The following OPTN variants were observed in gnomAD, a reference collection of about 807,000 sequenced individuals.
The protein encoded by OPTN is E3-14.7K-interacting protein.
A neutral mutation model predicts 70.4 loss-of-function variants in OPTN; 54 were observed. The observed-to-expected ratio is 0.77, with a 90% CI of 0.62 to 0.96. The LOEUF is 0.96. Among genes scored for constraint, OPTN ranks in the 40% least tolerant of loss-of-function variants. OPTN has a pLI of 0.00. For missense variants in OPTN, 624 were observed against 673.2 expected (o/e 0.93, Z 0.81); for synonymous variants, 256 against 248.5 (o/e 1.03, Z -0.28).
chr10:13,111,722 T>C (rs1249674387), intron 4 of OPTN, among the ~76,000 whole-genome samples: 1 of 151,856 alleles, frequency 6.6e-6, no homozygotes, highest in Non-Finnish European at 1.5e-5. Flanking sequence ...AGGTAAAAGC[T>C]GAAATTTTCT....
At chr10:13,105,909 A>G (rs375879306) in intron 1 of OPTN, among the ~76,000 whole-genome samples, 247 of 132,602 alleles carry the variant, frequency 1.9e-3, no homozygotes, top group Non-Finnish European at 2.1e-3. Flanking sequence ...ACTCTGTCTG[A>G]AAAAAAAAAA....
At chr10:13,118,590 TC>T (rs1833271287) in intron 6 of OPTN, among the ~76,000 whole-genome samples, 1 of 152,170 alleles carries the variant, frequency 6.6e-6, no homozygotes, top group African/African-American at 2.4e-5. Flanking sequence ...GCTGAACTGT[TC>T]CGTGAGTTTT....
At chr10:13,106,612 G>A (rs1465385359) in intron 1 of OPTN, among the ~76,000 whole-genome samples, 11 of 152,172 alleles carry the variant, frequency 7.2e-5, no homozygotes, top group Non-Finnish European at 2.9e-5. Context: ...CACAGGGTGT[G>A]GTAGGTAGCT....
rs1690674849 is a variant in OPTN at position 13,127,761 on chromosome 10, G to A, written c.1259G>A (p.Arg420Lys). 2 of 1,614,146 alleles carry A rather than the reference G, an allele frequency of 1.2e-6. No homozygotes were observed. The highest frequency in any genetic ancestry group is 1.7e-6 in the Non-Finnish European group (2 of 1,180,000). The stretch of plus-strand genomic sequence containing the variant: ...CTTTTTCAGTCAGAAAAAGTGGACA[G>A]GGCAGTGCTGAAGGAACTGAGTGAA... ...LTRKESEKVD[R>K]AVLKELSEKL... The change falls in exon 12 of 15, where the codon AGG becomes AAG. Residue 420 changes from arginine (R) to lysine (K), a missense_variant. Physicochemically the swap from Arg to Lys is conservative, Grantham distance 26 (BLOSUM62 2). Coordinates refer to ENST00000378747, the MANE Select transcript of OPTN (RefSeq NM_001008212.2).
chr10:13,108,763 G>A (rs533571627), intron 2 of OPTN, among the ~76,000 whole-genome samples: 1 of 152,140 alleles, frequency 6.6e-6, no homozygotes, highest in Admixed American at 6.5e-5. Flanking sequence ...AGCCAGGATG[G>A]TCTCAATCTC....
At chr10:13,124,900 C>G (rs1195062169) in intron 9 of OPTN, among the ~76,000 whole-genome samples, 1 of 152,168 alleles carries the variant, frequency 6.6e-6, no homozygotes, top group African/African-American at 2.4e-5. Flanking sequence ...AATGATATGT[C>G]TAATGGGCTG....
At chr10:13,121,629 G>A (rs558929645) in intron 7 of OPTN, among the ~76,000 whole-genome samples, 43 of 151,888 alleles carry the variant, frequency 2.8e-4, no homozygotes, top group African/African-American at 7.7e-4. Flanking sequence ...GGTTCCTGGT[G>A]TCACTCATGC....
chr10:13,104,727 T>A (rs1166247005), intron 1 of OPTN: 1 of 683,526 alleles, frequency 1.5e-6, no homozygotes, highest in Non-Finnish European at 2.8e-6. Flanking sequence ...TGGACGTGTC[T>A]GCCACCATTT....
At chr10:13,112,681 C>A (rs1427666020) in intron 5 of OPTN, 46 bp downstream of exon 5, 1 of 1,570,716 alleles carries the variant, frequency 6.4e-7, no homozygotes, top group Non-Finnish European at 8.8e-7. Flanking sequence ...TATAAAGCCT[C>A]CCCTGGAAAG....
chr10:13,102,947 T>TAA (rs71386153), intron 1 of OPTN, among the ~76,000 whole-genome samples: 30,027 of 146,804 alleles, frequency 0.2, 3,683 homozygotes, highest in Middle Eastern at 0.35. Flanking sequence ...AGTCTTAATT[T>TAA]AAAAAAAAAA....
intron 2 of OPTN, among the ~76,000 whole-genome samples, chr10:13,108,661 C>A (rs111520381): frequency 0.044 from 6,662 of 152,062 alleles, 466 homozygotes; most frequent in African/African-American, 0.15. Flanking sequence ...ATTCTCCTGC[C>A]TCAGCCTCCC....
chr10:13,136,058 G>A (rs7087090), intron 14 of OPTN, among the ~76,000 whole-genome samples: 1,811 of 152,216 alleles, frequency 0.012, 44 homozygotes, highest in African/African-American at 0.042. Context: ...GTGGTGGCAC[G>A]TGCCTGTAGT....
chr10:13,130,960 C>T (rs7089453), intron 12 of OPTN, among the ~76,000 whole-genome samples: 2,070 of 152,162 alleles, frequency 0.014, 56 homozygotes, highest in African/African-American at 0.048. Flanking sequence ...ACTCCTGTCA[C>T]CCAGGCTGGA....
At chr10:13,116,529 C>CT in intron 6 of OPTN, 189 bp downstream of exon 6, 1 of 653,016 alleles carries the variant, frequency 1.5e-6, no homozygotes, top group South Asian at 1.6e-5. Context: ...AGATTAAAAA[C>CT]TGTTTGGTTC....
chr10:13,118,543 T>C (rs1833269738), intron 6 of OPTN, among the ~76,000 whole-genome samples: 2 of 152,244 alleles, frequency 1.3e-5, no homozygotes, highest in Non-Finnish European at 2.9e-5. Context: ...AGACTAGATC[T>C]CTGGAAAGCT....
At chr10:13,127,435 G>T (rs1025389999) in intron 11 of OPTN, among the ~76,000 whole-genome samples, 2 of 152,170 alleles carry the variant, frequency 1.3e-5, no homozygotes, top group Non-Finnish European at 2.9e-5. Flanking sequence ...TGATTTCGGT[G>T]TTATCACCTT....
At chr10:13,109,378 T>G in intron 3 of OPTN, 90 bp downstream of exon 3, 2 of 1,314,216 alleles carry the variant, frequency 1.5e-6, no homozygotes, top group Middle Eastern at 4.6e-4. Flanking sequence ...GTGAGCTCCC[T>G]TCTCCCCGTT....
chr10:13,126,413 T>G (rs1833464666), intron 11 of OPTN, among the ~76,000 whole-genome samples: 1 of 151,832 alleles, frequency 6.6e-6, no homozygotes, highest in Non-Finnish European at 1.5e-5. Flanking sequence ...CCCGAGTAGC[T>G]GGGACTACAG....
chr10:13,135,588 T>C (rs1272749729), intron 14 of OPTN, among the ~76,000 whole-genome samples: 1 of 151,898 alleles, frequency 6.6e-6, no homozygotes, highest in African/African-American at 2.4e-5. Flanking sequence ...TGCTGCCACA[T>C]CTCTCACCTG....
Sources: allele counts gnomAD v4.1 joint callset (sites outside exome capture counted in the v4.1 genomes callset), GRCh38; gene constraint gnomAD v4.1.1; transcripts MANE v1.5; gene names NCBI Gene and HGNC (gene_info 2026-07-23, HGNC 2026-07-21).